CSMD1: variants seen among roughly 807,000 people sequenced by gnomAD.
CSMD1 encodes CUB and Sushi multiple domains 1, also known as CUB and sushi domain-containing protein 1.
In CSMD1, 213 loss-of-function variants were observed where a neutral mutation model predicts 417.5. The observed-to-expected ratio is 0.51, with a 90% CI of 0.46 to 0.57. The LOEUF is 0.57. CSMD1 is among the 20% of genes least tolerant of loss of function. The pLI is 0.00. For missense variants in CSMD1, 6,923 were observed against 4,529.7 expected (o/e 1.53, Z -15.17); for synonymous variants, 2,862 against 1,736.8 (o/e 1.65, Z -16.11).
At chr8:4,113,294 CTAAG>C (rs985804099) in intron 3 of CSMD1, among the ~76,000 whole-genome samples, 2 of 150,148 alleles carry the variant, frequency 1.3e-5, no homozygotes, top group African/African-American at 4.9e-5. Context: ...AAATGATTAA[CTAAG>C]TGAGAAAGAC....
intron 1 of CSMD1, among the ~76,000 whole-genome samples, chr8:4,856,667 G>C (rs1345521660): frequency 2.0e-5 from 3 of 148,596 alleles, no homozygotes; most frequent in Non-Finnish European, 3.0e-5. Flanking sequence ...AAGAGACAAA[G>C]AAGGCCATTA....
Position 4,971,137 on chromosome 8 carries a change from G to A in CSMD1, c.85+23195C>T, listed in dbSNP as rs139175242. ...TCAGACTTCAAACAATCTGAACCCTGGGGTCCCTTCCAACTCTCATAATCT... is the reference window on the plus strand; with the variant it reads ...TCAGACTTCAAACAATCTGAACCCTAGGGTCCCTTCCAACTCTCATAATCT... On this transcript the variant is annotated intron_variant, in intron 1 of 69. Coordinates refer to ENST00000635120, the MANE Select transcript of CSMD1 (RefSeq NM_033225.6). 4.1e-3 allele frequency among the ~76,000 whole-genome samples: 620 copies of A among 151,856 alleles called. 5 individuals carry two copies. The highest frequency in any genetic ancestry group is 0.014 in the African/African-American group (598 of 41,438).
chr8:3,901,023 C>G (rs1456136456), intron 5 of CSMD1, among the ~76,000 whole-genome samples: 2 of 152,146 alleles, frequency 1.3e-5, no homozygotes, highest in East Asian at 1.9e-4. Context: ...TCATTATTGA[C>G]ATTACTTTGG....
chr8:3,790,686 AT>A (rs1799686976), intron 5 of CSMD1, among the ~76,000 whole-genome samples: 2 of 152,298 alleles, frequency 1.3e-5, no homozygotes, highest in South Asian at 4.1e-4. Context: ...GGTTTGTTTT[AT>A]CTTTTTGATA....
chr8:4,032,122 GA>G (rs1797380013), intron 3 of CSMD1, 23 bp from the exon 4 acceptor site: 2 of 1,554,800 alleles, frequency 1.3e-6, no homozygotes, highest in African/African-American at 1.4e-5. Flanking sequence ...GAAAAGAAAG[GA>G]GAAAAAACAA....
intron 41 of CSMD1, among the ~76,000 whole-genome samples, chr8:3,133,801 G>A (rs754143731): frequency 9.9e-5 from 15 of 152,194 alleles, no homozygotes; most frequent in Non-Finnish European, 1.9e-4. Context: ...GCCAGGCTGC[G>A]CTGCAGCTGC....
rs117677195 is a variant in CSMD1, at chr8:3,583,725, A to G, written c.1222+2411T>C. Among the ~76,000 whole-genome samples the G allele has an allele frequency of 3.8e-3, 572 of 152,236 alleles. 3 individuals are homozygous for G. The highest frequency in any genetic ancestry group is 6.5e-3 in the Non-Finnish European group (439 of 68,028). ...CAAAAGAGGCTGCCATTTGGAAGCT[A>G]CAGCTGCACAAGCATTCTAGACAGG... On this transcript the variant is annotated intron_variant, in intron 9 of 69. Coordinates refer to ENST00000635120, the MANE Select transcript of CSMD1 (RefSeq NM_033225.6).
intron 41 of CSMD1, among the ~76,000 whole-genome samples, chr8:3,130,839 T>C (rs912005235): frequency 3.9e-5 from 6 of 152,180 alleles, no homozygotes; most frequent in African/African-American, 1.4e-4. Flanking sequence ...GCAGCCTCTA[T>C]GGCTGCAACT....
intron 10 of CSMD1, among the ~76,000 whole-genome samples, chr8:3,534,561 C>CAATCATTT (rs1243185385): frequency 6.7e-6 from 1 of 149,106 alleles, no homozygotes. Flanking sequence ...AATTAGTGTA[C>CAATCATTT]AATCATTTAC....
At chr8:4,159,669 AG>A (rs1332818442) in intron 3 of CSMD1, among the ~76,000 whole-genome samples, 1 of 152,098 alleles carries the variant, frequency 6.6e-6, no homozygotes, top group Non-Finnish European at 1.5e-5. Context: ...GCTCACTGCA[AG>A]CTCCCCCTCC....
chr8:3,334,409 T>C (rs550422886), intron 23 of CSMD1, among the ~76,000 whole-genome samples: 1 of 152,338 alleles, frequency 6.6e-6, no homozygotes, highest in East Asian at 1.9e-4. Context: ...TGTATTCCTG[T>C]CCAAAGCCAC....
chr8:3,399,474 C>T lies in CSMD1; in HGVS notation c.2322G>A (p.Trp774Ter). The part of the protein sequence containing the change: ...ASSGVILPPG[W>*]PGYYKDSLHC... ...GTAAAGAATCCTTATAATATCCTGG[C>T]CATCCAGGAGGCAAAATGACTCCGC... is the stretch of plus-strand genomic sequence containing the variant. The change falls in exon 16 of 70, where the codon TGG becomes TGA. Residue 774 changes from tryptophan (W) to a stop codon, truncating the protein, a stop_gained. Coordinates refer to ENST00000635120, the MANE Select transcript of CSMD1 (RefSeq NM_033225.6). LOFTEE classifies it high-confidence loss of function. The T allele has an allele frequency of 6.2e-7, 1 of 1,608,820 alleles. No homozygotes were observed.
intron 5 of CSMD1, among the ~76,000 whole-genome samples, chr8:3,848,366 G>C (rs1585086130): frequency 6.6e-6 from 1 of 151,022 alleles, no homozygotes. Flanking sequence ...ACTAGAAAAA[G>C]ACTCATTTTT....
chr8:3,810,854 G>A (rs979777808), intron 5 of CSMD1, among the ~76,000 whole-genome samples: 2 of 152,120 alleles, frequency 1.3e-5, no homozygotes, highest in African/African-American at 4.8e-5. Context: ...TTGATCTTTA[G>A]GCTCCTGTTC....
intron 5 of CSMD1, among the ~76,000 whole-genome samples, chr8:3,863,882 G>A (rs534512430): frequency 4.6e-5 from 7 of 151,950 alleles, no homozygotes; most frequent in Admixed American, 3.3e-4. Context: ...TCAAAGATTC[G>A]TATGATGACT....
chr8:4,722,423 G>C (rs1018830289), intron 1 of CSMD1, among the ~76,000 whole-genome samples: 9 of 152,150 alleles, frequency 5.9e-5, no homozygotes, highest in Non-Finnish European at 1.2e-4. Flanking sequence ...CGAGTGAAAA[G>C]TGATGCCTTC....
At chr8:3,463,329 T>C (rs2117163432) in intron 12 of CSMD1, among the ~76,000 whole-genome samples, 1 of 152,326 alleles carries the variant, frequency 6.6e-6, no homozygotes, top group South Asian at 2.1e-4. Flanking sequence ...TGTCATAGAC[T>C]TAAGTCAAGC....
At chr8:4,087,671 T>C (rs754686522) in intron 3 of CSMD1, among the ~76,000 whole-genome samples, 6 of 152,194 alleles carry the variant, frequency 3.9e-5, no homozygotes, top group Non-Finnish European at 7.3e-5. Flanking sequence ...TTGTGTTTGC[T>C]CATTCTTCCT....
intron 1 of CSMD1, among the ~76,000 whole-genome samples, chr8:4,682,158 C>T (rs1452652662): frequency 6.6e-6 from 1 of 152,034 alleles, no homozygotes; most frequent in Non-Finnish European, 1.5e-5. Flanking sequence ...ATCTGGATAA[C>T]TGGGACTACA....
Sources: allele counts gnomAD v4.1 joint callset (sites outside exome capture counted in the v4.1 genomes callset), GRCh38; gene constraint gnomAD v4.1.1; transcripts MANE v1.5; gene names NCBI Gene and HGNC (gene_info 2026-07-23, HGNC 2026-07-21).